ANK3: variants seen among roughly 807,000 people sequenced by gnomAD.
ANK3 encodes the protein ankyrin 3.
ANK3 carries 57 observed loss-of-function variants against 370.9 expected under a neutral mutation model. That is an observed-to-expected ratio of 0.15 (90% CI 0.12 to 0.19). ANK3 has a LOEUF of 0.19. Among genes scored for constraint, ANK3 ranks in the 10% least tolerant of loss-of-function variants. The pLI is 1.00. For missense variants in ANK3, 4,439 were observed against 5,302.1 expected (o/e 0.84, Z 5.06); for synonymous variants, 1,929 against 1,946.3 (o/e 0.99, Z 0.23).
At chr10:60,679,841 A>G (rs1342701561) in intron 1 of ANK3, among the ~76,000 whole-genome samples, 2 of 152,124 alleles carry the variant, frequency 1.3e-5, no homozygotes, top group African/African-American at 4.8e-5. Flanking sequence ...CTCTTGCTCT[A>G]AAATTACCCT....
rs551637711 is a variant in ANK3 at position 60,426,142 on chromosome 10, T to G, written c.97-146503A>C. ...CTTCCTCTTCAGTTGATTTGTATTTTCAGCTTTCCAGCCCACCACATTGTC... is the reference window on the plus strand; with the variant it reads ...CTTCCTCTTCAGTTGATTTGTATTTGCAGCTTTCCAGCCCACCACATTGTC... On this transcript the variant is annotated intron_variant, in intron 2 of 43. Transcript: ENST00000373827. 3.3e-5 allele frequency among the ~76,000 whole-genome samples: 5 copies of G among 152,192 alleles called. No homozygotes were observed. In the South Asian group the frequency reaches 8.3e-4, roughly 25 times the overall value.
chr10:60,425,721 T>C (rs1260163961), intron 2 of ANK3, among the ~76,000 whole-genome samples: 2 of 152,102 alleles, frequency 1.3e-5, no homozygotes, highest in East Asian at 3.9e-4. Context: ...TGGGCTCCTC[T>C]GGCATGACAG....
chr10:60,287,223 G>C (rs12765897), intron 1 of ANK3, among the ~76,000 whole-genome samples: 52,984 of 151,868 alleles, frequency 0.35, 9,683 homozygotes, highest in East Asian at 0.48. Context: ...ATCTCTACAG[G>C]CCTCTTACTT....
chr10:60,429,435 C>G (rs996140520), intron 2 of ANK3, among the ~76,000 whole-genome samples: 3 of 151,954 alleles, frequency 2.0e-5, no homozygotes, highest in Admixed American at 1.3e-4. Flanking sequence ...GTACTCTTAC[C>G]CCAAATAGAA....
At chr10:60,510,973 G>T (rs894145082) in intron 2 of ANK3, among the ~76,000 whole-genome samples, 6 of 152,080 alleles carry the variant, frequency 3.9e-5, no homozygotes, top group Non-Finnish European at 7.4e-5. Context: ...GACTATCTCT[G>T]CTTTATAAGG....
chr10:60,149,851 G>A (rs12240943), intron 23 of ANK3, among the ~76,000 whole-genome samples: 2,762 of 152,286 alleles, frequency 0.018, 70 homozygotes, highest in East Asian at 0.074. Flanking sequence ...TGGGATTACA[G>A]GCACCCACCA....
chr10:60,307,146 G>GC (rs1334348099), intron 1 of ANK3, among the ~76,000 whole-genome samples: 1 of 152,150 alleles, frequency 6.6e-6, no homozygotes, highest in Non-Finnish European at 1.5e-5. Flanking sequence ...TTGAAACACA[G>GC]CAATGGTCAT....
At chr10:60,208,525 C>A (rs770622689) in intron 9 of ANK3, among the ~76,000 whole-genome samples, 68 of 152,248 alleles carry the variant, frequency 4.5e-4, no homozygotes, top group Non-Finnish European at 8.4e-4. Context: ...TTTTACTTTT[C>A]TTTTTCTTTT....
At chr10:60,669,121 C>T (rs898496686) in intron 1 of ANK3, among the ~76,000 whole-genome samples, 6 of 152,202 alleles carry the variant, frequency 3.9e-5, no homozygotes, top group Non-Finnish European at 7.3e-5. Context: ...TCTCCACACA[C>T]GTGTCAAACA....
At chr10:60,279,952 G>C (rs1025892638) in intron 1 of ANK3, among the ~76,000 whole-genome samples, 4 of 152,150 alleles carry the variant, frequency 2.6e-5, no homozygotes, top group Non-Finnish European at 4.4e-5. Context: ...ATAACTTATT[G>C]ATAATTACAT....
chr10:60,424,143 T>A (rs1280417540), intron 2 of ANK3, among the ~76,000 whole-genome samples: 2 of 151,996 alleles, frequency 1.3e-5, no homozygotes, highest in African/African-American at 4.8e-5. Context: ...TACCCCTATC[T>A]GTGAGTCACT....
At chr10:60,126,549 G>A (rs1011482310) in intron 25 of ANK3, among the ~76,000 whole-genome samples, 11 of 152,018 alleles carry the variant, frequency 7.2e-5, no homozygotes, top group Admixed American at 4.6e-4. Flanking sequence ...TTAGCGAGGT[G>A]TGGTGGTGCA....
In ANK3 at chr10:60,689,750, A is replaced by G. The variant is rs1315363373; in HGVS notation, c.57+43513T>C. Reference sequence around the variant, plus strand: ...AGCCTGGGTGATGGAGCAAGACTTCATCTCAAAAAAAAAAAAAAAGAATGA... The same window carrying G: ...AGCCTGGGTGATGGAGCAAGACTTCGTCTCAAAAAAAAAAAAAAAGAATGA... On this transcript the variant is annotated intron_variant, in intron 1 of 43. Coordinates refer to the ANK3 transcript ENST00000373827. Among the ~76,000 whole-genome samples, 5 of 132,344 alleles carry G rather than the reference A, an allele frequency of 3.8e-5. 1 individual carries two copies. Among genetic ancestry groups the G allele is most frequent in the Admixed American group, 1.7e-4 (2 of 12,008 alleles). The allele number at this position is 132,344 out of a possible 152,430, so 86.8% of individuals were successfully genotyped here. A position where few individuals can be genotyped will look rare whatever the true frequency, so the allele number is the denominator to read the frequency against.
chr10:60,496,418 G>C (rs1345561110), intron 2 of ANK3, among the ~76,000 whole-genome samples: 4 of 152,096 alleles, frequency 2.6e-5, no homozygotes, highest in African/African-American at 9.7e-5. Flanking sequence ...AACAACTGAA[G>C]ATAAGCTCAA....
intron 4 of ANK3, among the ~76,000 whole-genome samples, chr10:60,275,761 T>C (rs1333742020): frequency 2.6e-5 from 4 of 152,138 alleles, no homozygotes; most frequent in African/African-American, 9.7e-5. Flanking sequence ...GAAAAATCTG[T>C]TCACTAAAAA....
chr10:60,075,075 C>G lies in ANK3; in HGVS notation c.5806G>C (p.Glu1936Gln), dbSNP rs1172558570. 1 of 1,613,952 alleles carries G rather than the reference C, an allele frequency of 6.2e-7. No homozygotes were observed. The highest frequency in any genetic ancestry group is 8.5e-7 in the Non-Finnish European group (1 of 1,180,018). Residue 1936 changes from glutamate (E) to glutamine (Q), a missense_variant, in exon 37 of 44, where the codon GAA becomes CAA. Physicochemically the swap from Glu to Gln is conservative, Grantham distance 29. Coordinates refer to ENST00000280772, the MANE Select transcript of ANK3 (RefSeq NM_020987.5). ...EKPFQPELPKEGRIDDEEPFK... is the reference protein window; with the variant it reads ...EKPFQPELPKQGRIDDEEPFK... ...GGTTCTTCATCATCTATTCTCCCTTCCTTTGGGAGTTCAGGTTGGAATGGC... is the reference window on the plus strand; with the variant it reads ...GGTTCTTCATCATCTATTCTCCCTTGCTTTGGGAGTTCAGGTTGGAATGGC...
At chr10:60,439,278 G>A (rs1362178780) in intron 2 of ANK3, among the ~76,000 whole-genome samples, 1 of 152,168 alleles carries the variant, frequency 6.6e-6, no homozygotes. Context: ...TGAACTGCTA[G>A]AGAAGGGAAT....
chr10:60,672,469 A>C (rs1440162562), intron 1 of ANK3, among the ~76,000 whole-genome samples: 1 of 152,174 alleles, frequency 6.6e-6, no homozygotes, highest in Non-Finnish European at 1.5e-5. Flanking sequence ...AACTACATAA[A>C]GTTCCCTGAA....
intron 2 of ANK3, among the ~76,000 whole-genome samples, chr10:60,422,298 C>A (rs2063795146): frequency 6.6e-6 from 1 of 152,092 alleles, no homozygotes; most frequent in Non-Finnish European, 1.5e-5. Flanking sequence ...TTCATCTATA[C>A]AGCTGCCAAC....
Sources: allele counts gnomAD v4.1 joint callset (sites outside exome capture counted in the v4.1 genomes callset), GRCh38; gene constraint gnomAD v4.1.1; transcripts MANE v1.5; gene names NCBI Gene and HGNC (gene_info 2026-07-23, HGNC 2026-07-21).